Variants in LPIN2 observed in about 807,000 individuals in gnomAD.
The protein encoded by LPIN2 is phosphatidate phosphatase LPIN2.
A neutral mutation model predicts 111.4 loss-of-function variants in LPIN2; 55 were observed. The ratio of observed to expected loss-of-function variants is 0.49; its 90% CI spans 0.40 to 0.62. The LOEUF is 0.62. Among genes scored for constraint, LPIN2 ranks in the 20% least tolerant of loss-of-function variants. The pLI, the probability that LPIN2 is intolerant of heterozygous loss-of-function variation, is 0.00. For synonymous variants in LPIN2, 425 were observed against 414.0 expected, an observed-to-expected ratio of 1.03 and a Z score of -0.32; for missense variants, 992 against 1,112.1, an observed-to-expected ratio of 0.89 and a Z score of 1.54.
intron 2 of LPIN2, among the ~76,000 whole-genome samples, chr18:2,959,067 G>A (rs2077667302): frequency 6.6e-6 from 1 of 151,486 alleles, no homozygotes; most frequent in African/African-American, 2.4e-5. Flanking sequence ...TTACCACAAA[G>A]AAAGAAAAAA....
intron 1 of LPIN2, among the ~76,000 whole-genome samples, chr18:2,998,130 G>C (rs764904326): frequency 6.6e-6 from 1 of 152,314 alleles, no homozygotes; most frequent in South Asian, 2.1e-4. Context: ...CTTCAGAAAC[G>C]TAAGGAGAGG....
intron 1 of LPIN2, among the ~76,000 whole-genome samples, chr18:2,997,879 C>G (rs666624): frequency 6.6e-6 from 1 of 152,102 alleles, no homozygotes; most frequent in Non-Finnish European, 1.5e-5. Context: ...TCTGCTAGAT[C>G]GGTAAGCATG....
intron 9 of LPIN2, 28 bp from the exon 10 acceptor site, chr18:2,929,186 G>T (rs1048309175): frequency 8.8e-6 from 12 of 1,357,688 alleles, no homozygotes; most frequent in Non-Finnish European, 1.2e-5. Context: ...AATCAATTTG[G>T]TTAGAGATTA....
At chr18:2,972,469 A>G (rs2077936508) in intron 1 of LPIN2, 1 of 152,226 alleles carries the variant, frequency 6.6e-6, no homozygotes, top group African/African-American at 2.4e-5. Flanking sequence ...ACTTTTACGA[A>G]AATGCCCAAT....
At chr18:2,976,694 C>T (rs1055003933) in intron 1 of LPIN2, among the ~76,000 whole-genome samples, 3 of 152,218 alleles carry the variant, frequency 2.0e-5, no homozygotes, top group East Asian at 1.9e-4. Flanking sequence ...CCACTTCCCA[C>T]GCAAAACAGG....
intron 1 of LPIN2, among the ~76,000 whole-genome samples, chr18:2,973,004 G>A (rs1026855558): frequency 7.2e-5 from 11 of 152,148 alleles, no homozygotes; most frequent in Admixed American, 6.5e-4. Context: ...ATTAAGAACT[G>A]TAATCAGTTC....
intron 1 of LPIN2, among the ~76,000 whole-genome samples, 155 bp downstream of exon 1, chr18:3,012,932 G>C (rs1598622845): frequency 6.6e-6 from 1 of 151,266 alleles, no homozygotes; most frequent in East Asian, 1.9e-4. Flanking sequence ...GGGGACCGCG[G>C]CGCGAGGAGG....
chr18:2,986,439 C>G (rs1235275117), intron 1 of LPIN2, among the ~76,000 whole-genome samples: 1 of 131,780 alleles, frequency 7.6e-6, no homozygotes, highest in African/African-American at 2.7e-5. Flanking sequence ...AGGTCAGACG[C>G]CCAGCTTAAA....
chr18:2,934,488 T>C (rs2077257895), intron 7 of LPIN2, 38 bp from the exon 8 acceptor site: 1 of 1,350,246 alleles, frequency 7.4e-7, no homozygotes, highest in Non-Finnish European at 1.1e-6. Flanking sequence ...AATTTAGTTA[T>C]TCTTCATTTA....
rs543502754 is a variant in LPIN2, at chr18:2,927,185, G to C, written c.1711-380C>G. The stretch of plus-strand genomic sequence containing the variant: ...TGACGTGGACATGAACTTGGTTCAG[G>C]CAAGACTTCCCTTCTGACATTTGAA... On this transcript the variant is annotated intron_variant, in intron 12 of 19. Transcript: ENST00000677752. 3.9e-5 allele frequency among the ~76,000 whole-genome samples: 6 copies of C among 152,296 alleles called. No homozygotes were observed. The South Asian group carries it at 1.2e-3, about 32-fold the overall frequency.
At chr18:2,934,830 C>T (rs182709019) in intron 7 of LPIN2, among the ~76,000 whole-genome samples, 55 of 152,330 alleles carry the variant, frequency 3.6e-4, no homozygotes, top group African/African-American at 1.3e-3. Flanking sequence ...ACCATGAAGG[C>T]AAGGTTGTCT....
intron 1 of LPIN2, among the ~76,000 whole-genome samples, chr18:2,965,949 A>C (rs1459058734): frequency 6.6e-6 from 1 of 152,098 alleles, no homozygotes; most frequent in Non-Finnish European, 1.5e-5. Context: ...TTTTATTTTC[A>C]TTTTGAGACA....
chr18:2,978,652 CTG>C (rs2078057901), intron 1 of LPIN2, among the ~76,000 whole-genome samples: 1 of 152,220 alleles, frequency 6.6e-6, no homozygotes, highest in African/African-American at 2.4e-5. Flanking sequence ...TGAATAAAGT[CTG>C]TAGTTTCATT....
chr18:2,984,073 A>G (rs74697299), intron 1 of LPIN2, among the ~76,000 whole-genome samples: 1,558 of 152,346 alleles, frequency 0.01, 26 homozygotes, highest in African/African-American at 0.035. Context: ...CTCTGCATCT[A>G]AACTTCACAA....
intron 1 of LPIN2, among the ~76,000 whole-genome samples, chr18:2,983,925 A>C (rs899359255): frequency 1.2e-4 from 19 of 152,296 alleles, no homozygotes; most frequent in African/African-American, 4.3e-4. Flanking sequence ...GGTGGGGAAA[A>C]GGCCATTCAG....
intron 4 of LPIN2, among the ~76,000 whole-genome samples, chr18:2,948,743 A>C (rs66986914): frequency 0.14 from 21,057 of 152,176 alleles, 2,047 homozygotes; most frequent in East Asian, 0.47. Context: ...TTTTCTCAAA[A>C]GAATACGTTT....
In LPIN2 at chr18:2,940,702, T is replaced by G. The variant is rs746938405; in HGVS notation, c.601A>C (p.Asn201His). 1 of 1,606,472 alleles carries G rather than the reference T, an allele frequency of 6.2e-7. No homozygotes were observed. The highest frequency in any genetic ancestry group is 8.5e-7 in the Non-Finnish European group (1 of 1,173,594). ...KGAQAARGSSNASLKEEECKE... is the reference protein window; with the variant it reads ...KGAQAARGSSHASLKEEECKE... The stretch of plus-strand genomic sequence containing the variant: ...CATTCTTCTTCTTTCAAGGAAGCAT[T>G]TGAAGATCCTCTGTGAAGGAGAAAC... The change falls in exon 5 of 20, where the codon AAT becomes CAT. Residue 201 changes from asparagine to histidine, a missense_variant. Asn to His is a moderately conservative substitution (Grantham distance 68, BLOSUM62 1). This residue lies in a region of LPIN2 where 709 missense variants were observed against 753.2 expected (regional missense o/e 0.94). Coordinates refer to ENST00000677752, the MANE Select transcript of LPIN2 (RefSeq NM_001375808.2).
chr18:2,988,788 T>C (rs1222356212), intron 1 of LPIN2, among the ~76,000 whole-genome samples: 5 of 152,210 alleles, frequency 3.3e-5, no homozygotes, highest in Non-Finnish European at 5.9e-5. Flanking sequence ...TGCTCCCTCT[T>C]CTAAGGATAA....
At chr18:2,928,441 G>T in intron 11 of LPIN2, 150 bp downstream of exon 11, 1 of 775,652 alleles carries the variant, frequency 1.3e-6, no homozygotes. Context: ...TTTTTAGTGG[G>T]TACATATGAC....
Sources: allele counts gnomAD v4.1 joint callset (sites outside exome capture counted in the v4.1 genomes callset), GRCh38; gene constraint gnomAD v4.1.1; regional missense constraint gnomAD v4.1.1; transcripts MANE v1.5; gene names NCBI Gene and HGNC (gene_info 2026-07-23, HGNC 2026-07-21).